The following IARS1 variants were observed in gnomAD, a reference collection of about 807,000 sequenced individuals.
IARS1 encodes the protein isoleucine--tRNA ligase, cytoplasmic.
A neutral mutation model predicts 168.2 loss-of-function variants in IARS1; 124 were observed. That is an observed-to-expected ratio of 0.74 (90% confidence interval 0.64 to 0.86). IARS1 has a LOEUF of 0.86. Among genes scored for constraint, IARS1 ranks in the 40% least tolerant of loss-of-function variants. IARS1 has a pLI of 0.00. For synonymous variants in IARS1, 532 were observed against 529.4 expected, an observed-to-expected ratio of 1.00 and a Z score of -0.07; for missense variants, 1,452 against 1,515.8, an observed-to-expected ratio of 0.96 and a Z score of 0.70.
intron 19 of IARS1, among the ~76,000 whole-genome samples, chr9:92,258,619 A>G (rs1329037450): frequency 6.6e-6 from 1 of 152,104 alleles, no homozygotes; most frequent in African/African-American, 2.4e-5. Flanking sequence ...TGGCGACTAA[A>G]CAACTATATG....
chr9:92,245,021 T>G lies in IARS1; in HGVS notation c.2842A>C (p.Met948Leu), dbSNP rs776999676. ...CCTGTGGCCTGATCAAAGGTGTACA[T>G]GAGGCGGATGTCTTCATCGTGCAAT... is the stretch of plus-strand genomic sequence containing the variant. Reference protein sequence around the residue: ...HELHDEDIRLMYTFDQATGGT... With the variant: ...HELHDEDIRLLYTFDQATGGT... The change falls in exon 27 of 34, where the codon ATG becomes CTG. Residue 948 changes from methionine (M) to leucine (L), a missense_variant. Transcript: ENST00000443024. 1.9e-6 allele frequency: 3 copies of G among 1,614,096 alleles called. No homozygotes were observed. The highest frequency in any genetic ancestry group is 2.5e-6 in the Non-Finnish European group (3 of 1,180,028).
At position 92,247,596 on chromosome 9, in the gene IARS1, A is replaced by G. The variant is rs762557669; in HGVS notation, c.2617-45T>C. The G allele has an allele frequency of 7.7e-6, 12 of 1,557,458 alleles. No homozygotes were observed. In the African/African-American group the frequency reaches 1.5e-4, roughly 19 times the overall value. ...GGAAACAAAAATGAGAAATGAAAACATATGTTCACACAAAAATGTAGGTCC... is the reference window on the plus strand; with the variant it reads ...GGAAACAAAAATGAGAAATGAAAACGTATGTTCACACAAAAATGTAGGTCC... On this transcript the variant is annotated intron_variant, in intron 25 of 33. Coordinates refer to ENST00000443024, the MANE Select transcript of IARS1 (RefSeq NM_002161.6).
intron 30 of IARS1, among the ~76,000 whole-genome samples, chr9:92,238,504 C>G (rs1169746886): frequency 6.6e-6 from 1 of 152,168 alleles, no homozygotes; most frequent in Non-Finnish European, 1.5e-5. Flanking sequence ...TTCTGTAAAG[C>G]AGAGTAAAAG....
intron 31 of IARS1, among the ~76,000 whole-genome samples, chr9:92,226,097 C>CA (rs1423569935): frequency 6.6e-6 from 1 of 152,224 alleles, no homozygotes; most frequent in African/African-American, 2.4e-5. Context: ...TCCAGCTTTC[C>CA]ACTGACTTAT....
intron 15 of IARS1, 23 bp from the exon 16 acceptor site, chr9:92,265,146 T>C (rs2133827881): frequency 6.3e-7 from 1 of 1,594,462 alleles, no homozygotes; most frequent in East Asian, 2.2e-5. Flanking sequence ...AAAGTAGTCA[T>C]TTCTATTAAC....
In IARS1 at chr9:92,247,422, T is replaced by C. The variant is rs753480473; in HGVS notation, c.2746A>G (p.Ile916Val). The C allele has an allele frequency of 1.1e-5, 17 of 1,614,084 alleles. No individual in the cohort carries two copies. In the Admixed American group the frequency reaches 2.0e-4, roughly 19 times the overall value. The change falls in exon 26 of 34, where the codon ATC (isoleucine) becomes GTC (valine). Residue 916 changes from isoleucine (I) to valine (V), a missense_variant. Coordinates refer to ENST00000443024, the MANE Select transcript of IARS1 (RefSeq NM_002161.6). ...AGCTCCTCACTGCTCAACTGCTTGA[T>C]GGACGTCATCACTGCCTTAAAGGCT... ...KGAFKAVMTS[I>V]KQLSSEELEQ...
chr9:92,222,340 C>CAAAAAAAAAAA (rs60335070), intron 33 of IARS1, among the ~76,000 whole-genome samples, 180 bp downstream of exon 33: 3 of 55,370 alleles, frequency 5.4e-5, no homozygotes, highest in Admixed American at 2.7e-4. Flanking sequence ...GACTCAGTCT[C>CAAAAAAAAAAA]AAAAAAAAAA....
chr9:92,237,619 A>G (rs9409661), intron 30 of IARS1, among the ~76,000 whole-genome samples: 17,113 of 152,108 alleles, frequency 0.11, 1,101 homozygotes, highest in South Asian at 0.22. Flanking sequence ...TTTTTATTTC[A>G]TGTATTTTGT....
intron 1 of IARS1, chr9:92,293,380 G>C (rs748402184): frequency 1.5e-5 from 7 of 474,408 alleles, no homozygotes; most frequent in African/African-American, 4.1e-5. Flanking sequence ...TAAAGTCACA[G>C]CTATATCAAT....
chr9:92,238,979 C>A (rs75491213), intron 30 of IARS1, among the ~76,000 whole-genome samples: 32 of 152,130 alleles, frequency 2.1e-4, no homozygotes, highest in Non-Finnish European at 3.4e-4. Flanking sequence ...GCACACAGTA[C>A]ATCACTTCAC....
At chr9:92,249,983 C>G (rs1371104412) in intron 24 of IARS1, 42 bp from the exon 25 acceptor site, 2 of 1,128,678 alleles carry the variant, frequency 1.8e-6, no homozygotes, top group Non-Finnish European at 2.7e-6. Context: ...AGCAGCCAGT[C>G]CTCTAAAACT....
In IARS1 at chr9:92,286,621, T is replaced by G. The variant is rs76663870; in HGVS notation, c.397-3A>C. The G allele has an allele frequency of 3.1e-4, 445 of 1,453,350 alleles. No individual in the cohort carries two copies. In the African/African-American group the frequency reaches 4.3e-3, roughly 14 times the overall value. The allele number at this position is 1,453,350 out of a possible 1,614,324, so 90.0% of individuals were successfully genotyped here. A position where few individuals can be genotyped will look rare whatever the true frequency, so the allele number is the denominator to read the frequency against. Reference sequence around the variant, plus strand: ...CGGCCAAGTCTGCTAACAGTAGACTTTAAAATATTAATATTAGAACAGTAT... The same window carrying G: ...CGGCCAAGTCTGCTAACAGTAGACTGTAAAATATTAATATTAGAACAGTAT... On this transcript the variant is annotated splice_polypyrimidine_tract_variant and splice_region_variant and intron_variant, in intron 4 of 33. Coordinates refer to ENST00000443024, the MANE Select transcript of IARS1 (RefSeq NM_002161.6).
chr9:92,263,397 ACAAGAT>A (rs1179092569), intron 16 of IARS1, among the ~76,000 whole-genome samples: 1 of 152,234 alleles, frequency 6.6e-6, no homozygotes, highest in African/African-American at 2.4e-5. Context: ...TGAATTTGGC[ACAAGAT>A]CATATGGAAA....
At chr9:92,220,515 G>A (rs1200923580) in intron 33 of IARS1, among the ~76,000 whole-genome samples, 1 of 152,134 alleles carries the variant, frequency 6.6e-6, no homozygotes, top group African/African-American at 2.4e-5. Flanking sequence ...TACTCGGGAG[G>A]CTGAGGCAGG....
rs1240010127 is a variant in IARS1, at chr9:92,265,479, C to A, written c.1505+1G>T. 1 of 1,612,996 alleles carries A rather than the reference C, an allele frequency of 6.2e-7. No individual in the cohort carries two copies. The highest frequency in any genetic ancestry group is 8.5e-7 in the Non-Finnish European group (1 of 1,179,118). ...AGTGAATCGAACATTTAGAAACTGA[C>A]CTCTCTCTGTGGAGATCTGAGATCT... On this transcript the variant is annotated splice_donor_variant, in intron 15 of 33. Transcript: ENST00000443024. LOFTEE classifies it high-confidence loss of function.
intron 10 of IARS1, among the ~76,000 whole-genome samples, chr9:92,273,290 G>A (rs1457315371): frequency 6.6e-6 from 1 of 152,144 alleles, no homozygotes; most frequent in East Asian, 1.9e-4. Flanking sequence ...GTATTATCAA[G>A]AATGCTTCCT....
At chr9:92,232,140 A>G (rs1587734763) in intron 30 of IARS1, among the ~76,000 whole-genome samples, 1 of 144,868 alleles carries the variant, frequency 6.9e-6, no homozygotes, top group Non-Finnish European at 1.5e-5. Flanking sequence ...ATGCTGTAAA[A>G]GTAGCTAACA....
intron 26 of IARS1, among the ~76,000 whole-genome samples, chr9:92,245,602 G>T (rs1402626390): frequency 6.6e-6 from 1 of 152,088 alleles, no homozygotes; most frequent in Non-Finnish European, 1.5e-5. Flanking sequence ...CTGATAGGGA[G>T]GCCCACTGTT....
At chr9:92,211,274 C>T (rs1298984790) in intron 33 of IARS1, among the ~76,000 whole-genome samples, 1 of 152,116 alleles carries the variant, frequency 6.6e-6, no homozygotes, top group Admixed American at 6.6e-5. Flanking sequence ...GAGTGAGCTT[C>T]CCTGGTTGGT....
Sources: gnomAD v4.1 joint callset for allele counts (sites outside exome capture counted in the v4.1 genomes callset) on GRCh38, gnomAD v4.1.1 for gene constraint, MANE v1.5 for transcripts, NCBI Gene and HGNC (gene_info 2026-07-23, HGNC 2026-07-21) for gene names.